HPSE2: variants seen among roughly 807,000 people sequenced by gnomAD.
HPSE2 encodes heparanase 2 (inactive), also known as inactive heparanase-2.
In HPSE2, 38 loss-of-function variants were observed where a neutral mutation model predicts 60.5. That is an observed-to-expected ratio of 0.63 (90% CI 0.48 to 0.82). The LOEUF is 0.82. Ranked by LOEUF, HPSE2 falls within the 40% of genes least tolerant of loss-of-function variation. HPSE2 has a pLI of 0.00. For synonymous variants in HPSE2, 295 were observed against 293.2 expected (o/e 1.01, Z -0.06); for missense variants, 713 against 740.4 (o/e 0.96, Z 0.43).
At chr10:99,147,839 G>A (rs955912293) in intron 2 of HPSE2, among the ~76,000 whole-genome samples, 4 of 152,132 alleles carry the variant, frequency 2.6e-5, no homozygotes, top group Non-Finnish European at 5.9e-5. Flanking sequence ...TTAGTATCAT[G>A]TATGACACAC....
intron 11 of HPSE2, chr10:98,461,874 A>G: frequency 7.8e-7 from 1 of 1,283,878 alleles, no homozygotes. Flanking sequence ...CTATACTAAT[A>G]AGGAGTAGTT....
At chr10:99,223,042 G>A (rs769303765) in intron 2 of HPSE2, among the ~76,000 whole-genome samples, 17 of 152,060 alleles carry the variant, frequency 1.1e-4, no homozygotes, top group Non-Finnish European at 2.5e-4. Flanking sequence ...CACAATACAC[G>A]ACTGGGATCT....
chr10:98,624,552 CT>C (rs1946156332), intron 7 of HPSE2, among the ~76,000 whole-genome samples: 1 of 152,106 alleles, frequency 6.6e-6, no homozygotes, highest in African/African-American at 2.4e-5. Flanking sequence ...AGAAAGTGAT[CT>C]GATCTGACTT....
chr10:99,189,230 G>A (rs962673543), intron 2 of HPSE2, among the ~76,000 whole-genome samples: 1 of 152,158 alleles, frequency 6.6e-6, no homozygotes, highest in African/African-American at 2.4e-5. Flanking sequence ...ATCATACAAG[G>A]AGGCTGCTTC....
chr10:98,993,758 GTATAAA>G (rs1956580603), intron 3 of HPSE2, among the ~76,000 whole-genome samples: 1 of 151,996 alleles, frequency 6.6e-6, no homozygotes, highest in South Asian at 2.1e-4. Flanking sequence ...CTTCCAATCT[GTATAAA>G]TTTTTTCCTG....
At chr10:99,233,999 G>A (rs913861595) in intron 1 of HPSE2, among the ~76,000 whole-genome samples, 2 of 152,184 alleles carry the variant, frequency 1.3e-5, no homozygotes, top group Non-Finnish European at 2.9e-5. Context: ...TTTAAAAAAA[G>A]AAAGAAAGCT....
At chr10:98,530,169 G>A (rs1258060216) in intron 9 of HPSE2, among the ~76,000 whole-genome samples, 1 of 152,196 alleles carries the variant, frequency 6.6e-6, no homozygotes, top group African/African-American at 2.4e-5. Context: ...GTATGGAGGA[G>A]TGTATATACA....
intron 3 of HPSE2, among the ~76,000 whole-genome samples, chr10:98,873,287 G>A (rs1952783205): frequency 6.6e-6 from 1 of 151,862 alleles, no homozygotes; most frequent in African/African-American, 2.4e-5. Context: ...ATGCAGGTTT[G>A]TTACATAGGT....
intron 5 of HPSE2, among the ~76,000 whole-genome samples, chr10:98,720,605 A>G (rs1198294221): frequency 2.0e-5 from 3 of 152,154 alleles, no homozygotes; most frequent in African/African-American, 7.2e-5. Flanking sequence ...TGACCAAGAA[A>G]CCCTACTTTT....
intron 3 of HPSE2, among the ~76,000 whole-genome samples, chr10:98,778,092 A>G (rs938926502): frequency 6.6e-6 from 1 of 151,996 alleles, no homozygotes; most frequent in Non-Finnish European, 1.5e-5. Context: ...GAGAGCCCCA[A>G]ATGGGAGGAA....
At chr10:99,218,152 G>T (rs1050609769) in intron 2 of HPSE2, among the ~76,000 whole-genome samples, 1 of 151,812 alleles carries the variant, frequency 6.6e-6, no homozygotes, top group Non-Finnish European at 1.5e-5. Context: ...GGCTCAGATT[G>T]TACTAGTCTG....
chr10:99,101,885 C>T (rs1157498536), intron 3 of HPSE2, among the ~76,000 whole-genome samples: 1 of 152,124 alleles, frequency 6.6e-6, no homozygotes, highest in Non-Finnish European at 1.5e-5. Flanking sequence ...TGAATGACTA[C>T]TGGGTACATA....
At chr10:99,144,096 C>A in intron 3 of HPSE2, 142 bp downstream of exon 3, 1 of 858,064 alleles carries the variant, frequency 1.2e-6, no homozygotes, top group South Asian at 1.6e-5. Context: ...TATCTGCAAA[C>A]TACAAGGAAT....
At chr10:98,657,493 C>T (rs568733869) in intron 6 of HPSE2, among the ~76,000 whole-genome samples, 2 of 152,236 alleles carry the variant, frequency 1.3e-5, no homozygotes, top group South Asian at 4.2e-4. Flanking sequence ...CACGCCACCA[C>T]GCCCAGATAA....
Position 99,157,945 on chromosome 10 carries a change from C to T in HPSE2, c.449-13546G>A, listed in dbSNP as rs1358071747. Among the ~76,000 whole-genome samples, 227 of 105,614 alleles carry T rather than the reference C, an allele frequency of 2.1e-3. 21 individuals are homozygous for T. Among genetic ancestry groups the T allele is most frequent in the Middle Eastern group, 4.5e-3 (1 of 224 alleles). 69.3% of individuals were successfully genotyped at this position (105,614 alleles called of 152,430 possible). A position where few individuals can be genotyped will look rare whatever the true frequency, so the allele number is the denominator to read the frequency against. On this transcript the variant is annotated intron_variant, in intron 2 of 11. Coordinates refer to ENST00000370552, the MANE Select transcript of HPSE2 (RefSeq NM_021828.5). ...ACCCCATCAAAAAGTGGGCAAAGGA[C>T]GTGAACAGACACTTCTCAAAAGAAG...
At position 99,048,066 on chromosome 10, in the gene HPSE2, G is replaced by T. The variant is rs1957900617; in HGVS notation, c.610+96172C>A. 3 of 721,792 alleles carry T rather than the reference G, an allele frequency of 4.2e-6. No homozygotes were observed. In the South Asian group the frequency reaches 4.5e-5, roughly 11 times the overall value. The allele number at this position is 721,792 out of a possible 1,614,324, so 44.7% of individuals were successfully genotyped here. A position where few individuals can be genotyped will look rare whatever the true frequency, so the allele number is the denominator to read the frequency against. ...ACTATAGAACCATATATTGCATGGG[G>T]GTACCCAAATATGAAGTCAGTAAAT... On this transcript the variant is annotated intron_variant, in intron 3 of 11. Transcript: ENST00000370552.
chr10:98,866,463 G>A (rs1952590382), intron 3 of HPSE2, among the ~76,000 whole-genome samples: 1 of 152,036 alleles, frequency 6.6e-6, no homozygotes, highest in Non-Finnish European at 1.5e-5. Context: ...AGAAATTATG[G>A]CAGACAACTT....
intron 3 of HPSE2, among the ~76,000 whole-genome samples, chr10:98,888,999 T>C (rs1282520511): frequency 6.6e-6 from 1 of 151,734 alleles, no homozygotes; most frequent in Non-Finnish European, 1.5e-5. Flanking sequence ...AAGACCCACC[T>C]GGGCAAAATA....
chr10:98,587,080 A>T (rs941829151), intron 9 of HPSE2, among the ~76,000 whole-genome samples: 1 of 152,202 alleles, frequency 6.6e-6, no homozygotes, highest in African/African-American at 2.4e-5. Flanking sequence ...ACCATAGCTT[A>T]TATTATTATT....
Sources: allele counts gnomAD v4.1 joint callset (sites outside exome capture counted in the v4.1 genomes callset), GRCh38; gene constraint gnomAD v4.1.1; transcripts MANE v1.5; gene names NCBI Gene and HGNC (gene_info 2026-07-23, HGNC 2026-07-21).